CABIN1: variants seen among roughly 807,000 people sequenced by gnomAD.
CABIN1 encodes calcineurin binding protein 1, also known as calcineurin-binding protein cabin-1.
Under a neutral mutation model 227.7 loss-of-function variants are expected in CABIN1, and 133 were observed. The ratio of observed to expected loss-of-function variants is 0.58; its 90% confidence interval spans 0.51 to 0.67. The LOEUF is 0.67. Among genes scored for constraint, CABIN1 ranks in the 30% least tolerant of loss-of-function variants. CABIN1 has a pLI of 0.00. For synonymous variants in CABIN1, 1,086 were observed against 1,155.1 expected, an observed-to-expected ratio of 0.94 and a Z score of 1.21; for missense variants, 2,408 against 2,852.5, an observed-to-expected ratio of 0.84 and a Z score of 3.55.
intron 25 of CABIN1, among the ~76,000 whole-genome samples, chr22:24,096,797 C>T (rs1006746992): frequency 6.6e-6 from 1 of 152,248 alleles, no homozygotes; most frequent in African/African-American, 2.4e-5. Context: ...CACCTGCCAG[C>T]TTGCCCACAT....
intron 29 of CABIN1, among the ~76,000 whole-genome samples, chr22:24,136,350 T>G (rs1488956032): frequency 6.3e-4 from 86 of 135,938 alleles, no homozygotes; most frequent in African/African-American, 2.0e-3. Flanking sequence ...ATCCCTCCTT[T>G]TTTTTTTTTT....
intron 33 of CABIN1, among the ~76,000 whole-genome samples, chr22:24,170,499 C>T (rs905288827): frequency 6.6e-6 from 1 of 152,208 alleles, no homozygotes; most frequent in South Asian, 2.1e-4. Flanking sequence ...AGCTAGGCTG[C>T]TACAACACCA....
At chr22:24,040,822 T>C (rs1258185818) in intron 4 of CABIN1, among the ~76,000 whole-genome samples, 1 of 152,242 alleles carries the variant, frequency 6.6e-6, no homozygotes, top group African/African-American at 2.4e-5. Flanking sequence ...TGACTGGGTC[T>C]ACCTATGCTG....
chr22:24,081,619 T>G (rs2040810840), intron 19 of CABIN1, among the ~76,000 whole-genome samples: 1 of 152,230 alleles, frequency 6.6e-6, no homozygotes, highest in Admixed American at 6.5e-5. Flanking sequence ...CATTACCGCT[T>G]TAATATTTCC....
At chr22:24,058,341 A>G (rs1375451140) in intron 10 of CABIN1, among the ~76,000 whole-genome samples, 1 of 152,210 alleles carries the variant, frequency 6.6e-6, no homozygotes, top group Non-Finnish European at 1.5e-5. Context: ...GCTTCTTTGA[A>G]TGGTCAAGGC....
intron 28 of CABIN1, among the ~76,000 whole-genome samples, chr22:24,133,257 T>G (rs550824832): frequency 6.6e-6 from 1 of 152,220 alleles, no homozygotes; most frequent in Non-Finnish European, 1.5e-5. Flanking sequence ...GAGCAAAGGC[T>G]TAGAGGCAGG....
At chr22:24,063,899 A>AG (rs763367575) in intron 14 of CABIN1, 136 bp from the exon 15 acceptor site, 174 of 986,656 alleles carry the variant, frequency 1.8e-4, no homozygotes, top group Non-Finnish European at 2.5e-4. Context: ...GGCCTTTCTT[A>AG]GGGGGGTACA....
At chr22:24,033,074 T>C (rs1340474968) in intron 1 of CABIN1, among the ~76,000 whole-genome samples, 1 of 152,192 alleles carries the variant, frequency 6.6e-6, no homozygotes, top group Non-Finnish European at 1.5e-5. Flanking sequence ...AGAGACTCCG[T>C]CTCAAAGAAA....
At chr22:24,155,931 C>T in intron 29 of CABIN1, 2 of 503,090 alleles carry the variant, frequency 4.0e-6, no homozygotes, top group Non-Finnish European at 7.0e-6. Flanking sequence ...GCTCCTGGGC[C>T]CGCTTCCAGT....
chr22:24,025,298 G>GA (rs146659682), intron 1 of CABIN1, among the ~76,000 whole-genome samples: 1,670 of 152,274 alleles, frequency 0.011, 39 homozygotes, highest in African/African-American at 0.037. Context: ...GTCAGCCAGT[G>GA]ACCTGACAAC....
At chr22:24,018,511 A>G (rs1601632430) in intron 1 of CABIN1, among the ~76,000 whole-genome samples, 1 of 152,164 alleles carries the variant, frequency 6.6e-6, no homozygotes, top group Non-Finnish European at 1.5e-5. Context: ...TCTTTTTCCA[A>G]CAGTGAATAC....
rs761431768 is a variant in CABIN1 at position 24,167,097 on chromosome 22, C to T, written c.5466C>T (p.Pro1822=). The stretch of plus-strand genomic sequence containing the variant: ...CCCCAGCCCAGCCAGCCCCCGCCCC[C>T]GCCCCCGCCACCACCACAGGGACCA... ...PLTPAQPAPA[P]APATTTGTRA... Residue 1822 remains proline (P), a synonymous_variant, in exon 32 of 37, where the codon CCC becomes CCT. Transcript: ENST00000263119. 17 of 1,546,212 alleles carry T rather than the reference C, an allele frequency of 1.1e-5. 1 individual carries two copies. The highest frequency in any genetic ancestry group is 2.3e-4 in the Middle Eastern group (1 of 4,378).
intron 19 of CABIN1, among the ~76,000 whole-genome samples, chr22:24,080,901 C>A (rs1039079787): frequency 8.5e-5 from 13 of 152,142 alleles, no homozygotes; most frequent in African/African-American, 3.1e-4. Context: ...CCTTTTCAAT[C>A]CTTATAGTTT....
At chr22:24,109,289 A>G (rs1006491383) in intron 26 of CABIN1, among the ~76,000 whole-genome samples, 1 of 149,900 alleles carries the variant, frequency 6.7e-6, no homozygotes, top group Non-Finnish European at 1.5e-5. Context: ...CAGTGGCACT[A>G]TCACTGCTCA....
Position 24,111,681 on chromosome 22 carries a change from C to T in CABIN1, c.4118-1885C>T, listed in dbSNP as rs545614784. Among the ~76,000 whole-genome samples the T allele has an allele frequency of 1.2e-4, 19 of 152,340 alleles. No individual in the cohort carries two copies. In the East Asian group the frequency reaches 3.7e-3, roughly 29 times the overall value. On this transcript the variant is annotated intron_variant, in intron 26 of 36. Transcript: ENST00000263119. ...CATGCAAGAATATTGTACTGCATATCACTAGCTCAGGAAAAGATCAAAATT... is the reference window on the plus strand; with the variant it reads ...CATGCAAGAATATTGTACTGCATATTACTAGCTCAGGAAAAGATCAAAATT...
chr22:24,035,169 GC>G (rs2036775013), intron 1 of CABIN1, among the ~76,000 whole-genome samples: 1 of 152,146 alleles, frequency 6.6e-6, no homozygotes, highest in Non-Finnish European at 1.5e-5. Flanking sequence ...AAAATAATAG[GC>G]TTGTTACCTC....
At chr22:24,031,862 A>C (rs1569093183) in intron 1 of CABIN1, among the ~76,000 whole-genome samples, 1 of 152,188 alleles carries the variant, frequency 6.6e-6, no homozygotes. Context: ...CTTGAGGATG[A>C]CCAGAGCCTA....
chr22:24,145,354 T>C (rs995116466), intron 29 of CABIN1, among the ~76,000 whole-genome samples: 1 of 152,236 alleles, frequency 6.6e-6, no homozygotes, highest in Non-Finnish European at 1.5e-5. Flanking sequence ...GTGCTGTGTT[T>C]GGCACTTCTA....
At chr22:24,168,384 AGGGCTGGGGGAGGCTAACCACAAT>A (rs2046582945) in intron 32 of CABIN1, 39 bp from the exon 33 acceptor site, 2 of 1,488,398 alleles carry the variant, frequency 1.3e-6, no homozygotes, top group African/African-American at 2.8e-5. Context: ...ATACACAGAC[AGGGCTGGGGGAGGCTAACCACAAT>A]GGCCTGCGCC....
Sources: gnomAD v4.1 joint callset for allele counts (sites outside exome capture counted in the v4.1 genomes callset) on GRCh38, gnomAD v4.1.1 for gene constraint, MANE v1.5 for transcripts, NCBI Gene and HGNC (gene_info 2026-07-23, HGNC 2026-07-21) for gene names.